DERA: variants seen among roughly 807,000 people sequenced by gnomAD.
The protein encoded by DERA is 2-deoxy-D-ribose 5-phosphate aldolase.
Under a neutral mutation model 41.1 loss-of-function variants are expected in DERA, and 15 were observed. The observed-to-expected ratio is 0.37, with a 90% CI of 0.24 to 0.56. The LOEUF (loss-of-function observed/expected upper bound fraction) is 0.56, where lower values mean the gene tolerates loss of function less well. DERA is among the 20% of genes least tolerant of loss of function. The probability of loss-of-function intolerance (pLI) is 0.81; values close to 1 mark genes in which losing one functional copy is unlikely to be tolerated. For synonymous variants in DERA, 139 were observed against 137.4 expected, an observed-to-expected ratio of 1.01 and a Z score of -0.08; for missense variants, 396 against 403.4, an observed-to-expected ratio of 0.98 and a Z score of 0.16.
At chr12:16,002,305 CAT>C (rs962231131) in intron 6 of DERA, among the ~76,000 whole-genome samples, 2 of 151,678 alleles carry the variant, frequency 1.3e-5, no homozygotes, top group African/African-American at 4.8e-5. Flanking sequence ...AAATTACAAA[CAT>C]AGAAAGAAAT....
Position 16,036,165 on chromosome 12 carries a change from A to G in DERA, c.751-67A>G. On this transcript the variant is annotated intron_variant, in intron 7 of 8. Transcript: ENST00000428559. This position sits in a 1 kb window ranked among gnomAD's most constrained non-coding sequence, Gnocchi z 4.9. ...AGAGAGAATCAAGACTCTGATAAACATAGTACTATTTTTAAAAGAAATCCA... is the reference window on the plus strand; with the variant it reads ...AGAGAGAATCAAGACTCTGATAAACGTAGTACTATTTTTAAAAGAAATCCA... 7.4e-7 allele frequency: 1 copy of G among 1,354,232 alleles called. No individual in the cohort carries two copies. Among genetic ancestry groups the G allele is most frequent in the Non-Finnish European group, 9.7e-7 (1 of 1,028,964 alleles). 83.9% of individuals were successfully genotyped at this position (1,354,232 alleles called of 1,614,324 possible). A position where few individuals can be genotyped will look rare whatever the true frequency, so the allele number is the denominator to read the frequency against.
At chr12:15,952,387 A>G (rs1348900013) in intron 1 of DERA, among the ~76,000 whole-genome samples, 1 of 152,138 alleles carries the variant, frequency 6.6e-6, no homozygotes, top group Non-Finnish European at 1.5e-5. Flanking sequence ...CTTTTTTAAA[A>G]TACTCCTTTA....
At chr12:15,978,280 G>T (rs1174147172) in intron 5 of DERA, among the ~76,000 whole-genome samples, 1 of 152,154 alleles carries the variant, frequency 6.6e-6, no homozygotes, top group Non-Finnish European at 1.5e-5. Context: ...TTGTGTTGGA[G>T]TGAAGTGGTC....
chr12:15,925,822 CTTTT>C (rs35956433), intron 1 of DERA, among the ~76,000 whole-genome samples: 2,442 of 95,116 alleles, frequency 0.026, 41 homozygotes, highest in African/African-American at 0.1. Context: ...ACTCCTGAGG[CTTTT>C]TTTTTTTTTT....
chr12:15,951,952 A>G (rs1401168572), intron 1 of DERA, among the ~76,000 whole-genome samples: 1 of 151,070 alleles, frequency 6.6e-6, no homozygotes, highest in African/African-American at 2.4e-5. Flanking sequence ...CCCAGGCTAG[A>G]GTACAGTGGC....
intron 6 of DERA, among the ~76,000 whole-genome samples, chr12:16,028,349 T>A (rs1949067296): frequency 6.6e-6 from 1 of 152,184 alleles, no homozygotes; most frequent in Admixed American, 6.5e-5. Context: ...ATAAATAAGG[T>A]AGTGAGGAAT....
Position 15,991,951 on chromosome 12 carries a change from C to CAATAACACAATCAATAA in DERA, c.637+9515_637+9516insAATAACACAATCAATAA, listed in dbSNP as rs1389358751. On this transcript the variant is annotated intron_variant, in intron 6 of 8. Transcript: ENST00000428559. ...AATAAAATTTCTGTACTCTGTCAAACCTCCTATTGATTATGCAAAGGCAGA... is the reference window on the plus strand; with the variant it reads ...AATAAAATTTCTGTACTCTGTCAAACAATAACACAATCAATAACTCCTATTGATTATGCAAAGGCAGA... Among the ~76,000 whole-genome samples the CAATAACACAATCAATAA allele has an allele frequency of 1.6e-4, 25 of 152,210 alleles. No homozygotes were observed. In the East Asian group the frequency reaches 4.8e-3, roughly 29 times the overall value.
chr12:15,912,554 A>C (rs1948172263), intron 1 of DERA, among the ~76,000 whole-genome samples: 1 of 152,180 alleles, frequency 6.6e-6, no homozygotes, highest in Admixed American at 6.5e-5. Context: ...AAGTTTCTTC[A>C]TCTGTAAAAT....
At chr12:15,960,636 C>CAAAAAAAAAAAAAAAAAAAAAAAAAAAA (rs1163104277) in intron 4 of DERA, among the ~76,000 whole-genome samples, 1 of 28,718 alleles carries the variant, frequency 3.5e-5, no homozygotes, top group African/African-American at 1.3e-4. Context: ...GACTCCGTCT[C>CAAAAAAAAAAAAAAAAAAAAAAAAAAAA]AAAAAAAAAA....
Position 15,990,409 on chromosome 12 carries a change from C to T in DERA, c.637+7973C>T, listed in dbSNP as rs149289208. On this transcript the variant is annotated intron_variant, in intron 6 of 8. Coordinates refer to ENST00000428559, the MANE Select transcript of DERA (RefSeq NM_015954.4). This position sits in a 1 kb window ranked among gnomAD's most constrained non-coding sequence, Gnocchi z 4.3. ...TCTAGTTAATGATATGTTTGTGGTA[C>T]GCTACTTTCCATGTTCTTTTTTGTT... Among the ~76,000 whole-genome samples the T allele has an allele frequency of 2.8e-3, 426 of 152,190 alleles. 4 individuals are homozygous for T. Among genetic ancestry groups the T allele is most frequent in the African/African-American group, 9.7e-3 (402 of 41,544 alleles).
rs189207615 is a variant in DERA at position 15,990,824 on chromosome 12, A to T, written c.637+8388A>T. 4.6e-5 allele frequency among the ~76,000 whole-genome samples: 7 copies of T among 152,206 alleles called. No individual in the cohort carries two copies. The East Asian group carries it at 1.2e-3, about 25-fold the overall frequency. Reference sequence around the variant, plus strand: ...CTGGATAGTAGTCCATGGTGCATATATATACACCACATTTTATTTATCCAG... The same window carrying T: ...CTGGATAGTAGTCCATGGTGCATATTTATACACCACATTTTATTTATCCAG... On this transcript the variant is annotated intron_variant, in intron 6 of 8. Coordinates refer to ENST00000428559, the MANE Select transcript of DERA (RefSeq NM_015954.4). The surrounding 1 kb of genome is among the most constrained non-coding windows in gnomAD (Gnocchi z 4.3).
At chr12:15,958,824 A>T (rs978861155) in intron 3 of DERA, among the ~76,000 whole-genome samples, 1 of 152,248 alleles carries the variant, frequency 6.6e-6, no homozygotes, top group Non-Finnish European at 1.5e-5. Context: ...CTGCCTTAGT[A>T]TACATGAAAA....
chr12:15,948,321 C>T (rs949071077), intron 1 of DERA, among the ~76,000 whole-genome samples: 1 of 152,192 alleles, frequency 6.6e-6, no homozygotes, highest in Non-Finnish European at 1.5e-5. Context: ...TCCATTCTCC[C>T]CATCACTTTC....
Position 15,999,446 on chromosome 12 carries a change from G to C in DERA, c.637+17010G>C, listed in dbSNP as rs1026358296. On this transcript the variant is annotated intron_variant, in intron 6 of 8. Coordinates refer to ENST00000428559, the MANE Select transcript of DERA (RefSeq NM_015954.4). This position sits in a 1 kb window ranked among gnomAD's most constrained non-coding sequence, Gnocchi z 5.3. ...GGGACACGTTTTCCAAGCACTTCAG[G>C]AACACAGCTGACCTTCTCTGGAGGA... 2.0e-5 allele frequency among the ~76,000 whole-genome samples: 3 copies of C among 152,180 alleles called. No individual in the cohort carries two copies. The highest frequency in any genetic ancestry group is 6.5e-5 in the Admixed American group (1 of 15,272).
chr12:16,002,756 A>G (rs1948884184), intron 6 of DERA, among the ~76,000 whole-genome samples: 1 of 152,088 alleles, frequency 6.6e-6, no homozygotes, highest in Non-Finnish European at 1.5e-5. Context: ...TTTGTCTTAG[A>G]CAGGGCAGTA....
At chr12:16,029,357 AGCTT>A (rs551252925) in intron 6 of DERA, among the ~76,000 whole-genome samples, 103 of 152,170 alleles carry the variant, frequency 6.8e-4, no homozygotes, top group East Asian at 4.1e-3. Context: ...CGGGAGGCGG[AGCTT>A]GCTTGCAGTG....
intron 5 of DERA, among the ~76,000 whole-genome samples, chr12:15,978,823 C>T (rs112286076): frequency 3.3e-5 from 5 of 152,282 alleles, no homozygotes; most frequent in African/African-American, 9.6e-5. Flanking sequence ...ATCACTGCTG[C>T]CACCAACAAC....
In DERA at chr12:16,011,079, T is replaced by G. The variant is rs557489040; in HGVS notation, c.638-21463T>G. Among the ~76,000 whole-genome samples the G allele has an allele frequency of 6.6e-6, 1 of 152,322 alleles. No homozygotes were observed. The highest frequency in any genetic ancestry group is 2.4e-5 in the African/African-American group (1 of 41,566). ...TCTAAATCCATTTTAAGCAGCTATT[T>G]CTTCAATTTGAGTAATTTTCTCTCA... On this transcript the variant is annotated intron_variant, in intron 6 of 8. Coordinates refer to ENST00000428559, the MANE Select transcript of DERA (RefSeq NM_015954.4). This position sits in a 1 kb window ranked among gnomAD's most constrained non-coding sequence, Gnocchi z 4.7.
rs1011545624 is a variant in DERA at position 16,017,517 on chromosome 12, T to C, written c.638-15025T>C. 6.6e-6 allele frequency among the ~76,000 whole-genome samples: 1 copy of C among 152,218 alleles called. No homozygotes were observed. Among genetic ancestry groups the C allele is most frequent in the South Asian group, 2.1e-4 (1 of 4,836 alleles). Reference sequence around the variant, plus strand: ...TTTGTGGAATCACAGTCTCCAGATTTAGTATTAGTATCACATTGATACCTC... The same window carrying C: ...TTTGTGGAATCACAGTCTCCAGATTCAGTATTAGTATCACATTGATACCTC... On this transcript the variant is annotated intron_variant, in intron 6 of 8. Coordinates refer to ENST00000428559, the MANE Select transcript of DERA (RefSeq NM_015954.4). The surrounding 1 kb of genome is among the most constrained non-coding windows in gnomAD (Gnocchi z 5.5).
Sources: allele counts gnomAD v4.1 joint callset (sites outside exome capture counted in the v4.1 genomes callset), GRCh38; gene constraint gnomAD v4.1.1; non-coding constraint Gnocchi (gnomAD v3.1); transcripts MANE v1.5; gene names NCBI Gene and HGNC (gene_info 2026-07-23, HGNC 2026-07-21).